Variants in SYN3 observed in about 807,000 individuals in gnomAD.
SYN3 encodes the protein synapsin III, also known as synapsin-3.
A neutral mutation model predicts 65.8 loss-of-function variants in SYN3; 35 were observed. The observed-to-expected ratio is 0.53, with a 90% CI of 0.41 to 0.70. The LOEUF is 0.70. Ranked by LOEUF, SYN3 falls within the 30% of genes least tolerant of loss-of-function variation. The probability of loss-of-function intolerance (pLI) is 0.00; values close to 1 mark genes in which losing one functional copy is unlikely to be tolerated. For synonymous variants in SYN3, 270 were observed against 292.9 expected, an observed-to-expected ratio of 0.92 and a Z score of 0.80; for missense variants, 680 against 749.0, an observed-to-expected ratio of 0.91 and a Z score of 1.08.
At chr22:32,668,396 C>T (rs977691963) in intron 6 of SYN3, among the ~76,000 whole-genome samples, 30 of 149,524 alleles carry the variant, frequency 2.0e-4, no homozygotes, top group Admixed American at 4.7e-4. Context: ...TCTCTTTCCC[C>T]TCTTCCTGTG....
intron 3 of SYN3, among the ~76,000 whole-genome samples, chr22:32,938,927 CAA>C (rs137558): frequency 2.4e-5 from 3 of 125,050 alleles, no homozygotes; most frequent in Non-Finnish European, 1.6e-5. Flanking sequence ...GGCTTTGTCT[CAA>C]AAAAAAAAAA....
intron 7 of SYN3, among the ~76,000 whole-genome samples, chr22:32,578,132 T>C (rs773497964): frequency 2.0e-5 from 3 of 152,256 alleles, no homozygotes; most frequent in Non-Finnish European, 2.9e-5. Context: ...TGAAGATGAT[T>C]TGCTTTCTAG....
rs559954432 is a variant in SYN3 at position 32,712,594 on chromosome 22, GTATTTC to G, written c.712-115864_712-115859del. Among the ~76,000 whole-genome samples the G allele has an allele frequency of 6.7e-3, 1,016 of 152,264 alleles. 11 individuals carry two copies. Among genetic ancestry groups the G allele is most frequent in the African/African-American group, 0.024 (986 of 41,532 alleles). ...AGACCATGTGATTTGGGGTTCTGAT[GTATTTC>G]CCAGAAACTCTGTTGTGGCATTTCT... On this transcript the variant is annotated intron_variant, in intron 6 of 13. Transcript: ENST00000358763.
intron 6 of SYN3, among the ~76,000 whole-genome samples, chr22:32,753,685 C>T (rs2045207685): frequency 6.6e-6 from 1 of 152,266 alleles, no homozygotes; most frequent in African/African-American, 2.4e-5. Flanking sequence ...TTGATTTATC[C>T]CATACACTTA....
chr22:32,647,545 C>A (rs775396898), intron 6 of SYN3, among the ~76,000 whole-genome samples: 5 of 151,562 alleles, frequency 3.3e-5, no homozygotes, highest in Non-Finnish European at 7.4e-5. Context: ...CTCCTGAGTT[C>A]AAGTGACCCT....
In SYN3 at chr22:32,564,042, G is replaced by T. The variant is rs548966075; in HGVS notation, c.775-22329C>A. On this transcript the variant is annotated intron_variant, in intron 7 of 13. Coordinates refer to ENST00000358763, the MANE Select transcript of SYN3 (RefSeq NM_003490.4). ...AGGACCCTAGCAAATGGATGGGAGG[G>T]GCCAGCTGGGGGGCCACGCAATCCT... Among the ~76,000 whole-genome samples the T allele has an allele frequency of 6.7e-4, 102 of 152,138 alleles. 1 individual carries two copies. The highest frequency in any genetic ancestry group is 1.2e-3 in the Non-Finnish European group (85 of 68,016).
At chr22:32,875,242 C>A (rs530587785) in intron 4 of SYN3, among the ~76,000 whole-genome samples, 1 of 152,168 alleles carries the variant, frequency 6.6e-6, no homozygotes, top group Non-Finnish European at 1.5e-5. Context: ...AGAAGGGGCC[C>A]GGTGGGGTTT....
chr22:32,749,410 G>A (rs1403220262), intron 6 of SYN3, among the ~76,000 whole-genome samples: 3 of 150,952 alleles, frequency 2.0e-5, no homozygotes, highest in African/African-American at 7.3e-5. Context: ...GGGAGGCCAA[G>A]GCGGGTGAAT....
intron 6 of SYN3, among the ~76,000 whole-genome samples, chr22:32,666,017 A>G (rs112052473): frequency 3.3e-5 from 5 of 152,302 alleles, no homozygotes; most frequent in African/African-American, 9.6e-5. Flanking sequence ...ACTTCAGTTA[A>G]TGGCAGCATC....
chr22:32,930,240 G>A (rs2146688927), intron 4 of SYN3, among the ~76,000 whole-genome samples: 1 of 152,232 alleles, frequency 6.6e-6, no homozygotes, highest in East Asian at 1.9e-4. Flanking sequence ...TGAATCATGG[G>A]GGCGGGTCTT....
At chr22:32,904,506 G>A (rs1186987101) in intron 4 of SYN3, among the ~76,000 whole-genome samples, 2 of 151,934 alleles carry the variant, frequency 1.3e-5, no homozygotes, top group African/African-American at 4.8e-5. Flanking sequence ...GGCTTCTTTT[G>A]TGTTAGACCA....
chr22:32,788,592 T>G (rs2046250036), intron 6 of SYN3, among the ~76,000 whole-genome samples: 1 of 152,156 alleles, frequency 6.6e-6, no homozygotes, highest in South Asian at 2.1e-4. Flanking sequence ...TAACAACTAC[T>G]TAGTATTTAC....
intron 1 of SYN3, among the ~76,000 whole-genome samples, chr22:33,020,908 T>C (rs924880896): frequency 6.6e-6 from 1 of 152,234 alleles, no homozygotes; most frequent in Non-Finnish European, 1.5e-5. Context: ...TGCCTCAGTT[T>C]TCTTATCTGC....
intron 3 of SYN3, among the ~76,000 whole-genome samples, chr22:32,963,987 G>A (rs1426462559): frequency 6.6e-6 from 1 of 152,076 alleles, no homozygotes; most frequent in African/African-American, 2.4e-5. Context: ...CACTAGAGGG[G>A]GTGAGCCTTC....
intron 6 of SYN3, among the ~76,000 whole-genome samples, chr22:32,793,696 T>C (rs757163899): frequency 2.6e-5 from 4 of 152,206 alleles, no homozygotes; most frequent in Non-Finnish European, 5.9e-5. Flanking sequence ...CATCACACTA[T>C]GACACATAAG....
At chr22:32,538,189 TA>T in intron 8 of SYN3, 79 bp from the exon 9 acceptor site, 1 of 1,302,742 alleles carries the variant, frequency 7.7e-7, no homozygotes, top group South Asian at 1.2e-5. Context: ...CTTTGGCTGT[TA>T]GGAGGCTCTG....
chr22:32,898,141 G>T (rs1423252335), intron 4 of SYN3, among the ~76,000 whole-genome samples: 1 of 152,156 alleles, frequency 6.6e-6, no homozygotes, highest in Non-Finnish European at 1.5e-5. Context: ...GATTACAGGT[G>T]TGCGTCACCA....
At position 32,663,102 on chromosome 22, in the gene SYN3, G is replaced by A. The variant is rs375479698; in HGVS notation, c.712-66366C>T. Among the ~76,000 whole-genome samples the A allele has an allele frequency of 2.5e-3, 380 of 152,254 alleles. 3 individuals carry two copies. The highest frequency in any genetic ancestry group is 8.6e-3 in the African/African-American group (356 of 41,546). ...CAAGTAGAGGGGGTTGGAAGAATGTGTGTGCATCCAGAAGTGAAATAAAAA... is the reference window on the plus strand; with the variant it reads ...CAAGTAGAGGGGGTTGGAAGAATGTATGTGCATCCAGAAGTGAAATAAAAA... On this transcript the variant is annotated intron_variant, in intron 6 of 13. Transcript: ENST00000358763.
At chr22:32,672,651 C>T (rs765896117) in intron 6 of SYN3, among the ~76,000 whole-genome samples, 3 of 152,218 alleles carry the variant, frequency 2.0e-5, no homozygotes, top group Admixed American at 6.5e-5. Context: ...CACAAAGCCA[C>T]GCTGTCTTGA....
Sources: allele counts gnomAD v4.1 joint callset (sites outside exome capture counted in the v4.1 genomes callset), GRCh38; gene constraint gnomAD v4.1.1; transcripts MANE v1.5; gene names NCBI Gene and HGNC (gene_info 2026-07-23, HGNC 2026-07-21).